The following EXTL1 variants were observed in gnomAD, a reference collection of about 807,000 sequenced individuals.
EXTL1 encodes the protein exostosin like glycosyltransferase 1, also known as exostosin-like 1.
Under a neutral mutation model 64.6 loss-of-function variants are expected in EXTL1, and 43 were observed. The ratio of observed to expected loss-of-function variants is 0.67; its 90% CI spans 0.52 to 0.86. The LOEUF is 0.86. EXTL1 is among the 40% of genes least tolerant of loss of function. EXTL1 has a pLI of 0.00. For missense variants in EXTL1, 766 were observed against 879.0 expected, an observed-to-expected ratio of 0.87 and a Z score of 1.62; for synonymous variants, 352 against 360.5, an observed-to-expected ratio of 0.98 and a Z score of 0.27.
intron 1 of EXTL1, among the ~76,000 whole-genome samples, chr1:26,028,870 C>T (rs1027051282): frequency 4.6e-5 from 7 of 152,188 alleles, no homozygotes; most frequent in South Asian, 2.1e-4. Context: ...GAAACATCAG[C>T]GTCCGCTGCC....
Position 26,033,333 on chromosome 1 carries a change from G to C in EXTL1, c.1518+18G>C, listed in dbSNP as rs776535711. The C allele has an allele frequency of 4.4e-6, 7 of 1,606,718 alleles. No homozygotes were observed. The highest frequency in any genetic ancestry group is 6.0e-6 in the Non-Finnish European group (7 of 1,173,416). ...CAAGTGAGGTGAGGGCTGGGCCCAAGAGAAGCCCAGTGTGGGTAGACACAG... is the reference window on the plus strand; with the variant it reads ...CAAGTGAGGTGAGGGCTGGGCCCAACAGAAGCCCAGTGTGGGTAGACACAG... On this transcript the variant is annotated intron_variant, in intron 8 of 10. Transcript: ENST00000374280. The surrounding 1 kb of genome is among the most constrained non-coding windows in gnomAD (Gnocchi z 5.1).
chr1:26,032,135 G>C (rs1017147773), intron 6 of EXTL1: 2 of 437,288 alleles, frequency 4.6e-6, no homozygotes, highest in Non-Finnish European at 8.2e-6. Context: ...CCAGGCTAGG[G>C]ACTACCACAG....
intron 3 of EXTL1, 53 bp downstream of exon 3, chr1:26,029,760 G>C (rs1439169782): frequency 1.9e-5 from 23 of 1,206,144 alleles, no homozygotes; most frequent in Non-Finnish European, 2.8e-5. Flanking sequence ...ACAGGGGAGG[G>C]ACCTAGAATC....
chr1:26,032,506 T>C, intron 7 of EXTL1, 21 bp downstream of exon 7: 2 of 1,537,026 alleles, frequency 1.3e-6, no homozygotes, highest in Non-Finnish European at 1.8e-6. Context: ...AGGAGAGCCA[T>C]GAAAGGGGTG....
rs994674646 is a variant in EXTL1 at position 26,034,037 on chromosome 1, C to T, written c.1679+181C>T. On this transcript the variant is annotated intron_variant, in intron 9 of 10. Transcript: ENST00000374280. This position sits in a 1 kb window ranked among gnomAD's most constrained non-coding sequence, Gnocchi z 4.6. ...ACTTCTCTAGAGTTTGTTTTCTCATCTGTAAAATGGGATGGATTCACCTCC... is the reference window on the plus strand; with the variant it reads ...ACTTCTCTAGAGTTTGTTTTCTCATTTGTAAAATGGGATGGATTCACCTCC... 1.3e-5 allele frequency among the ~76,000 whole-genome samples: 2 copies of T among 152,156 alleles called. No homozygotes were observed. Among genetic ancestry groups the T allele is most frequent in the African/African-American group, 4.8e-5 (2 of 41,424 alleles).
At chr1:26,029,171 A>T in intron 1 of EXTL1, 22 bp from the exon 2 acceptor site, 1 of 1,578,944 alleles carries the variant, frequency 6.3e-7, no homozygotes, top group Non-Finnish European at 8.7e-7. Context: ...GTGTGGTGGG[A>T]CCTCCCCATG....
At chr1:26,029,083 G>C (rs1569662926) in intron 1 of EXTL1, 110 bp from the exon 2 acceptor site, 2 of 681,112 alleles carry the variant, frequency 2.9e-6, no homozygotes, top group Non-Finnish European at 5.2e-6. Context: ...ACATTTGGGA[G>C]TGTGGGTGTG....
chr1:26,030,997 G>T, intron 4 of EXTL1, 135 bp from the exon 5 acceptor site: 1 of 1,009,666 alleles, frequency 9.9e-7, no homozygotes, highest in South Asian at 1.4e-5. Flanking sequence ...ATCATGGAGT[G>T]CCCCCTACTC....
chr1:26,035,244 G>T lies in EXTL1; in HGVS notation c.1928G>T (p.Gly643Val). The change falls in exon 11 of 11, where the codon GGC becomes GTC. Residue 643 changes from glycine (G) to valine (V), a missense_variant. Physicochemically the swap from Gly to Val is moderately radical, Grantham distance 109. Around this residue, in one of 3 missense-constraint regions of EXTL1, gnomAD observed 194 missense variants for 214.5 expected, o/e 0.90. Transcript: ENST00000374280. The surrounding 1 kb of genome is among the most constrained non-coding windows in gnomAD (Gnocchi z 5.3). Reference sequence around the variant, plus strand: ...ATCAACCAGATAGCGGCAGCGTTCGGCCACATGCCCTTGCTGTCCTCTCGT... The same window carrying T: ...ATCAACCAGATAGCGGCAGCGTTCGTCCACATGCCCTTGCTGTCCTCTCGT... Reference protein sequence around the residue: ...DCINQIAAAFGHMPLLSSRLR... With the variant: ...DCINQIAAAFVHMPLLSSRLR... 1 of 1,613,630 alleles carries T rather than the reference G, an allele frequency of 6.2e-7. No homozygotes were observed. Among genetic ancestry groups the T allele is most frequent in the Non-Finnish European group, 8.5e-7 (1 of 1,179,938 alleles).
chr1:26,031,098 C>G (rs199575010), intron 4 of EXTL1, 34 bp from the exon 5 acceptor site: 29 of 1,613,636 alleles, frequency 1.8e-5, no homozygotes, highest in Non-Finnish European at 2.2e-5. Context: ...GTCACACAGG[C>G]CACTCGCTCT....
rs1222122740 is a variant in EXTL1, at chr1:26,023,437, T to C, written c.779+12T>C. ...CCTGGACCTGGGCAGTAAGTGAACC[T>C]TTTGCCTTGGGGGCTGGATGGGAGG... On this transcript the variant is annotated intron_variant, in intron 1 of 10. Transcript: ENST00000374280. 3.5e-6 allele frequency: 5 copies of C among 1,425,418 alleles called. No homozygotes were observed. Among genetic ancestry groups the C allele is most frequent in the Non-Finnish European group, 3.7e-6 (4 of 1,085,042 alleles). 88.3% of individuals were successfully genotyped at this position (1,425,418 alleles called of 1,614,324 possible).
At chr1:26,024,997 G>A (rs560524825) in intron 1 of EXTL1, among the ~76,000 whole-genome samples, 151 of 152,288 alleles carry the variant, frequency 9.9e-4, no homozygotes, top group Non-Finnish European at 1.5e-3. Context: ...TCTAATTAGC[G>A]TGGGTCACCC....
At chr1:26,030,994 AGT>A in intron 4 of EXTL1, 136 bp from the exon 5 acceptor site, 1 of 976,908 alleles carries the variant, frequency 1.0e-6, no homozygotes, top group Non-Finnish European at 1.6e-6. Context: ...AACATCATGG[AGT>A]GCCCCCTACT....
rs190476109 is a variant in EXTL1, at chr1:26,033,171, T to C, written c.1432-58T>C. 603 of 1,241,874 alleles carry C rather than the reference T, an allele frequency of 4.9e-4. 3 individuals are homozygous for C. In the African/African-American group the frequency reaches 7.5e-3, roughly 15 times the overall value. The allele number at this position is 1,241,874 out of a possible 1,614,324, so 76.9% of individuals were successfully genotyped here. On this transcript the variant is annotated intron_variant, in intron 7 of 10. Transcript: ENST00000374280. The surrounding 1 kb of genome is among the most constrained non-coding windows in gnomAD (Gnocchi z 5.1). Reference sequence around the variant, plus strand: ...CTGTGCCTGAATGGCTCCTACTTATTGGATGGGGGTGGGGGGAATGTTCCA... The same window carrying C: ...CTGTGCCTGAATGGCTCCTACTTATCGGATGGGGGTGGGGGGAATGTTCCA...
In EXTL1 at chr1:26,030,589, T is replaced by C; in HGVS notation, c.1095T>C (p.Thr365=). The C allele has an allele frequency of 6.2e-7, 1 of 1,611,578 alleles. No individual in the cohort carries two copies. Among genetic ancestry groups the C allele is most frequent in the Non-Finnish European group, 8.5e-7 (1 of 1,178,478 alleles). ...CAGTGGAGAAGGTCATCCATACCACTCTGGAGGTGAGGGGTCTCACCTGAT... is the reference window on the plus strand; with the variant it reads ...CAGTGGAGAAGGTCATCCATACCACCCTGGAGGTGAGGGGTCTCACCTGAT... The part of the protein sequence containing the change: ...FSSVEKVIHT[T]LEVIQDRIFG... The change falls in exon 4 of 11, where the codon ACT becomes ACC. Residue 365 remains threonine, a synonymous_variant. Coordinates refer to ENST00000374280, the MANE Select transcript of EXTL1 (RefSeq NM_004455.3).
chr1:26,022,186 C>T lies in EXTL1; in HGVS notation c.-461C>T, dbSNP rs1000078756. The T allele has an allele frequency of 6.4e-6, 1 of 156,120 alleles. No homozygotes were observed. The highest frequency in any genetic ancestry group is 1.4e-5 in the Non-Finnish European group (1 of 70,884). The allele number at this position is 156,120 out of a possible 1,614,324, so 9.7% of individuals were successfully genotyped here. On this transcript the variant is annotated 5_prime_UTR_variant, in exon 1 of 11. Coordinates refer to ENST00000374280, the MANE Select transcript of EXTL1 (RefSeq NM_004455.3). ...CCCTCCAGCCTGTCCCTGGCCAAGC[C>T]GCCTCCTGTGGGAGCTCTGACTGGT...
intron 3 of EXTL1, among the ~76,000 whole-genome samples, 153 bp downstream of exon 3, chr1:26,029,860 C>T (rs2124408538): frequency 6.6e-6 from 1 of 152,340 alleles, no homozygotes; most frequent in South Asian, 2.1e-4. Flanking sequence ...CCCTCTGGGG[C>T]TCCCAGAGGA....
chr1:26,035,243 G>T lies in EXTL1; in HGVS notation c.1927G>T (p.Gly643Cys), dbSNP rs780497520. The stretch of plus-strand genomic sequence containing the variant: ...CATCAACCAGATAGCGGCAGCGTTC[G>T]GCCACATGCCCTTGCTGTCCTCTCG... ...DCINQIAAAF[G>C]HMPLLSSRLR... Residue 643 changes from glycine to cysteine, a missense_variant, in exon 11 of 11, where the codon GGC (glycine) becomes TGC (cysteine). By Grantham distance (159) the Gly-to-Cys change is radical. Around this residue, in one of 3 missense-constraint regions of EXTL1, gnomAD observed 194 missense variants for 214.5 expected, o/e 0.90. Transcript: ENST00000374280. This position sits in a 1 kb window ranked among gnomAD's most constrained non-coding sequence, Gnocchi z 5.3. 6.2e-7 allele frequency: 1 copy of T among 1,613,546 alleles called. No homozygotes were observed. The highest frequency in any genetic ancestry group is 1.1e-5 in the South Asian group (1 of 91,086).
rs143958221 is a variant in EXTL1 at position 26,023,144 on chromosome 1, G to C, written c.498G>C (p.Pro166=). 2 of 1,613,904 alleles carry C rather than the reference G, an allele frequency of 1.2e-6. No individual in the cohort carries two copies. The highest frequency in any genetic ancestry group is 1.7e-6 in the Non-Finnish European group (2 of 1,180,024). The part of the protein sequence containing the change: ...GRNHLVLRLH[P]APCPRTFQLG... Reference sequence around the variant, plus strand: ...ACCATCTGGTCCTCCGTCTCCACCCGGCTCCCTGCCCCAGGACCTTCCAGC... The same window carrying C: ...ACCATCTGGTCCTCCGTCTCCACCCCGCTCCCTGCCCCAGGACCTTCCAGC... Residue 166 remains proline, a synonymous_variant, in exon 1 of 11, where the codon CCG becomes CCC. Transcript: ENST00000374280.
Sources: allele counts gnomAD v4.1 joint callset (sites outside exome capture counted in the v4.1 genomes callset), GRCh38; gene constraint gnomAD v4.1.1; regional missense constraint gnomAD v4.1.1; non-coding constraint Gnocchi (gnomAD v3.1); transcripts MANE v1.5; gene names NCBI Gene and HGNC (gene_info 2026-07-23, HGNC 2026-07-21).